SIK3: variants seen among roughly 807,000 people sequenced by gnomAD.
SIK3 encodes the protein SIK family kinase 3, also known as serine/threonine-protein kinase SIK3.
Under a neutral mutation model 144.2 loss-of-function variants are expected in SIK3, and 28 were observed. That is an observed-to-expected ratio of 0.19 (90% CI 0.14 to 0.27). The LOEUF (loss-of-function observed/expected upper bound fraction) is 0.27. Ranked by LOEUF, SIK3 falls within the 10% of genes least tolerant of loss-of-function variation. SIK3 has a pLI of 1.00. For synonymous variants in SIK3, 686 were observed against 676.3 expected, an observed-to-expected ratio of 1.01 and a Z score of -0.22; for missense variants, 1,319 against 1,776.0, an observed-to-expected ratio of 0.74 and a Z score of 4.62.
Position 116,861,852 on chromosome 11 carries a change from A to G in SIK3, c.2304T>C (p.His768=), listed in dbSNP as rs146606691. The G allele has an allele frequency of 5.0e-6, 8 of 1,610,806 alleles. No individual in the cohort carries two copies. The highest frequency in any genetic ancestry group is 1.6e-4 in the Middle Eastern group (1 of 6,080). Residue 768 remains histidine, a synonymous_variant, in exon 18 of 25, where the codon CAT becomes CAC. Transcript: ENST00000445177. ...ACENQPALLT[H]QLQRLRIQPS... is the part of the protein sequence containing the mutation. ...AAAATGACTCATACCTCTGGAGCTG[A>G]TGGGTAAGGAGGGCTGGCTGATTTT...
chr11:116,904,974 G>T (rs1945950645), intron 4 of SIK3: 2 of 167,140 alleles, frequency 1.2e-5, no homozygotes, highest in Admixed American at 1.3e-4. Context: ...GTGCGACGAT[G>T]ACCACAATCA....
chr11:116,845,070 C>T lies in SIK3; in HGVS notation c.*573G>A, dbSNP rs1265002874. On this transcript the variant is annotated 3_prime_UTR_variant, in exon 25 of 25. Coordinates refer to ENST00000445177, the MANE Select transcript of SIK3 (RefSeq NM_001366686.3). The stretch of plus-strand genomic sequence containing the variant: ...TTTGTTCTTTTTGTTTTCTAAGTGC[C>T]AGAAGCCGTCACCCTTCCTCTCTCC... 1 of 151,976 alleles carries T rather than the reference C, an allele frequency of 6.6e-6. No individual in the cohort carries two copies. Among genetic ancestry groups the T allele is most frequent in the Admixed American group, 6.6e-5 (1 of 15,240 alleles). 9.4% of individuals were successfully genotyped at this position (151,976 alleles called of 1,614,324 possible).
chr11:116,849,429 G>T lies in SIK3; in HGVS notation c.3656-146C>A. The T allele has an allele frequency of 1.0e-6, 1 of 1,003,498 alleles. No homozygotes were observed. The allele number at this position is 1,003,498 out of a possible 1,614,324, so 62.2% of individuals were successfully genotyped here. On this transcript the variant is annotated intron_variant, in intron 21 of 24. Coordinates refer to ENST00000445177, the MANE Select transcript of SIK3 (RefSeq NM_001366686.3). This position sits in a 1 kb window ranked among gnomAD's most constrained non-coding sequence, Gnocchi z 4.2. Reference sequence around the variant, plus strand: ...CCGCTGATCCTCAGCCGGCGTCATGGCTTAGAGGAGCCTGGACCAGCCCTC... The same window carrying T: ...CCGCTGATCCTCAGCCGGCGTCATGTCTTAGAGGAGCCTGGACCAGCCCTC...
chr11:116,858,664 T>C lies in SIK3; in HGVS notation c.2801A>G (p.Asp934Gly). ...NVNRFSPANY[D>G]QAHLHPHLFS... ...CAGATGGGGGTGTAAATGCGCCTGG[T>C]CGTAGTTAGCAGGGGAGAACCGATT... The change falls in exon 21 of 25, where the codon GAC becomes GGC. Residue 934 changes from aspartate (D) to glycine (G), a missense_variant. Asp to Gly is a moderately conservative substitution (Grantham distance 94). Coordinates refer to ENST00000445177, the MANE Select transcript of SIK3 (RefSeq NM_001366686.3). The surrounding 1 kb of genome is among the most constrained non-coding windows in gnomAD (Gnocchi z 5.4). 1.9e-6 allele frequency: 3 copies of C among 1,566,758 alleles called. No homozygotes were observed. Among genetic ancestry groups the C allele is most frequent in the Non-Finnish European group, 8.7e-7 (1 of 1,155,990 alleles).
At chr11:117,015,374 G>C (rs1420883947) in intron 1 of SIK3, among the ~76,000 whole-genome samples, 2 of 152,098 alleles carry the variant, frequency 1.3e-5, no homozygotes, top group African/African-American at 4.8e-5. Context: ...TACTGCTGGT[G>C]AGTACCTTAA....
chr11:116,860,331 C>A (rs1022936410), intron 19 of SIK3, among the ~76,000 whole-genome samples: 3 of 152,068 alleles, frequency 2.0e-5, no homozygotes, highest in African/African-American at 7.2e-5. Flanking sequence ...GGGGACCCCA[C>A]TTTAAGTAGG....
At chr11:116,940,307 G>A (rs1948218238) in intron 3 of SIK3, among the ~76,000 whole-genome samples, 2 of 148,826 alleles carry the variant, frequency 1.3e-5, no homozygotes, top group African/African-American at 5.0e-5. Flanking sequence ...TTGGCTCACT[G>A]CAACCTCTGC....
rs79713382 is a variant in SIK3, at chr11:116,920,021, G to A, written c.616+7198C>T. On this transcript the variant is annotated intron_variant, in intron 4 of 24. Transcript: ENST00000445177. The stretch of plus-strand genomic sequence containing the variant: ...TTCCCTCAGCTTCCAGCTTTTTGCC[G>A]TCTCCATACTGAATTGGATTAATTA... 6.2e-3 allele frequency among the ~76,000 whole-genome samples: 937 copies of A among 151,770 alleles called. 9 individuals are homozygous for A. The highest frequency in any genetic ancestry group is 0.02 in the African/African-American group (824 of 41,362).
chr11:116,860,560 T>C (rs1416515423), intron 19 of SIK3, among the ~76,000 whole-genome samples: 2 of 152,234 alleles, frequency 1.3e-5, no homozygotes, highest in Admixed American at 6.5e-5. Context: ...AGGAAGGTTC[T>C]GGTAGCTGCT....
chr11:116,876,481 G>A lies in SIK3; in HGVS notation c.985-118C>T, dbSNP rs1432596638. On this transcript the variant is annotated intron_variant, in intron 7 of 24. Transcript: ENST00000445177. ...CTGGCTTGGGATATTTTTGGCCTCA[G>A]ACAAAGTCTAAGGAAGAGAGCCCTG... is the stretch of plus-strand genomic sequence containing the variant. 3.7e-6 allele frequency: 3 copies of A among 815,152 alleles called. No individual in the cohort carries two copies. In the African/African-American group the frequency reaches 5.1e-5, roughly 14 times the overall value. 50.5% of individuals were successfully genotyped at this position (815,152 alleles called of 1,614,324 possible). A position where few individuals can be genotyped will look rare whatever the true frequency, so the allele number is the denominator to read the frequency against.
At chr11:116,862,102 A>T in intron 17 of SIK3, 100 bp downstream of exon 17, 1 of 1,550,542 alleles carries the variant, frequency 6.4e-7, no homozygotes, top group South Asian at 1.1e-5. Flanking sequence ...ACAGACCTCA[A>T]ATCCACTTTG....
At chr11:117,029,693 CTA>C (rs1472125961) in intron 1 of SIK3, among the ~76,000 whole-genome samples, 1 of 152,066 alleles carries the variant, frequency 6.6e-6, no homozygotes, top group African/African-American at 2.4e-5. Context: ...AAGGAGAAAT[CTA>C]GGCTAACTCC....
chr11:117,050,405 G>C (rs976652245), intron 1 of SIK3, among the ~76,000 whole-genome samples: 3 of 152,162 alleles, frequency 2.0e-5, no homozygotes, highest in African/African-American at 7.2e-5. Flanking sequence ...TTCAAAATAA[G>C]CTGGGTGTGG....
rs776592594 is a variant in SIK3 at position 116,862,335 on chromosome 11, G to A, written c.2104-8C>T. 2 of 1,614,132 alleles carry A rather than the reference G, an allele frequency of 1.2e-6. No individual in the cohort carries two copies. Among genetic ancestry groups the A allele is most frequent in the South Asian group, 1.1e-5 (1 of 91,070 alleles). On this transcript the variant is annotated splice_region_variant and splice_polypyrimidine_tract_variant and intron_variant, in intron 16 of 24. Transcript: ENST00000445177. The stretch of plus-strand genomic sequence containing the variant: ...CTGCAGCTGCTCACACTCCTGAAGG[G>A]AAAGTAGTTAATACAGATGGGATGC...
chr11:117,015,176 T>C lies in SIK3; in HGVS notation c.274-58112A>G, dbSNP rs113511614. On this transcript the variant is annotated intron_variant, in intron 1 of 24. Transcript: ENST00000445177. ...GTGCAAAAGACTTGAATATCACAGC[T>C]AATAAACTCATGAAAAGGTGCTCCT... 9.2e-3 allele frequency among the ~76,000 whole-genome samples: 1,400 copies of C among 152,226 alleles called. 23 individuals are homozygous for C. The highest frequency in any genetic ancestry group is 0.032 in the African/African-American group (1,335 of 41,558).
At chr11:117,085,222 T>G (rs1019559161) in intron 1 of SIK3, among the ~76,000 whole-genome samples, 1 of 151,946 alleles carries the variant, frequency 6.6e-6, no homozygotes, top group Non-Finnish European at 1.5e-5. Flanking sequence ...GCTCAAGCAA[T>G]CCTCCCAGCT....
At chr11:116,878,896 A>G (rs1944400778) in intron 6 of SIK3, among the ~76,000 whole-genome samples, 1 of 152,120 alleles carries the variant, frequency 6.6e-6, no homozygotes, top group Non-Finnish European at 1.5e-5. Flanking sequence ...TTCTTTAACC[A>G]TCTACTCTAA....
intron 1 of SIK3, chr11:117,036,049 C>T (rs1490058646): frequency 4.0e-6 from 5 of 1,236,552 alleles, no homozygotes; most frequent in East Asian, 2.3e-5. Flanking sequence ...TTGCAAGAGG[C>T]ATGTTCTCGT....
intron 1 of SIK3, among the ~76,000 whole-genome samples, chr11:117,054,824 T>C (rs1565599446): frequency 1.3e-5 from 2 of 152,082 alleles, no homozygotes; most frequent in Non-Finnish European, 2.9e-5. Context: ...AAAATAACAG[T>C]ACTTGCTGAC....
Sources: gnomAD v4.1 joint callset for allele counts (sites outside exome capture counted in the v4.1 genomes callset) on GRCh38, gnomAD v4.1.1 for gene constraint, Gnocchi (gnomAD v3.1) non-coding constraint, MANE v1.5 for transcripts, NCBI Gene and HGNC (gene_info 2026-07-23, HGNC 2026-07-21) for gene names.